Variants in FMN2 observed in about 807,000 individuals in gnomAD.
FMN2 encodes the protein formin-2.
A neutral mutation model predicts 142.3 loss-of-function variants in FMN2; 51 were observed. That is an observed-to-expected ratio of 0.36 (90% CI 0.29 to 0.45). The LOEUF (loss-of-function observed/expected upper bound fraction) is 0.45. Ranked by LOEUF, FMN2 falls within the 20% of genes least tolerant of loss-of-function variation. The pLI is 1.00. For synonymous variants in FMN2, 882 were observed against 869.8 expected, an observed-to-expected ratio of 1.01 and a Z score of -0.25; for missense variants, 1,936 against 2,122.8, an observed-to-expected ratio of 0.91 and a Z score of 1.73.
chr1:240,432,151 A>G (rs1675200494), intron 15 of FMN2, among the ~76,000 whole-genome samples: 1 of 151,904 alleles, frequency 6.6e-6, no homozygotes, highest in African/African-American at 2.4e-5. Context: ...ATAAAAAATA[A>G]TTTTCTATTT....
At chr1:240,383,703 G>T (rs1673304849) in intron 14 of FMN2, among the ~76,000 whole-genome samples, 1 of 151,934 alleles carries the variant, frequency 6.6e-6, no homozygotes, top group Non-Finnish European at 1.5e-5. Context: ...ACTAAAAGGA[G>T]AACTACCATT....
chr1:240,098,842 T>C (rs1661312076), intron 1 of FMN2, among the ~76,000 whole-genome samples: 1 of 152,158 alleles, frequency 6.6e-6, no homozygotes. Flanking sequence ...TTTTAAGAGC[T>C]TTAGGCGTTT....
intron 8 of FMN2, among the ~76,000 whole-genome samples, chr1:240,320,979 C>T (rs1670952801): frequency 6.6e-6 from 1 of 152,064 alleles, no homozygotes; most frequent in Non-Finnish European, 1.5e-5. Context: ...AAAGTCATTT[C>T]CTTTGATAGA....
chr1:240,365,713 C>A (rs1193925340), intron 14 of FMN2, among the ~76,000 whole-genome samples: 1 of 152,132 alleles, frequency 6.6e-6, no homozygotes, highest in East Asian at 1.9e-4. Context: ...ATATTCTTGT[C>A]AACTAATTCA....
chr1:240,275,337 G>C (rs990718298), intron 7 of FMN2, among the ~76,000 whole-genome samples: 1 of 152,008 alleles, frequency 6.6e-6, no homozygotes, highest in Non-Finnish European at 1.5e-5. Context: ...AGAACATGTG[G>C]TGCTTGGTTT....
chr1:240,402,459 C>T (rs569391074), intron 15 of FMN2, among the ~76,000 whole-genome samples: 2 of 152,318 alleles, frequency 1.3e-5, no homozygotes, highest in East Asian at 3.9e-4. Context: ...GGCGGCTGGG[C>T]AGATGAGTCT....
intron 8 of FMN2, among the ~76,000 whole-genome samples, chr1:240,309,778 T>C (rs1213426597): frequency 3.3e-5 from 5 of 152,002 alleles, no homozygotes; most frequent in Non-Finnish European, 7.4e-5. Context: ...GTCCGTTATC[T>C]CGGATTCAGT....
At chr1:240,362,675 G>C (rs983139653) in intron 14 of FMN2, among the ~76,000 whole-genome samples, 2 of 152,068 alleles carry the variant, frequency 1.3e-5, no homozygotes, top group Non-Finnish European at 2.9e-5. Context: ...TACAAGCCTG[G>C]TTCTCCTTTG....
At chr1:240,353,792 C>T (rs1475130434) in intron 13 of FMN2, among the ~76,000 whole-genome samples, 1 of 152,128 alleles carries the variant, frequency 6.6e-6, no homozygotes, top group African/African-American at 2.4e-5. Flanking sequence ...AAAAAGTACT[C>T]AGTACATGAC....
rs1676866362 is a variant in FMN2, at chr1:240,473,166, T to G, written c.5142+713T>G. Among the ~76,000 whole-genome samples, 1 of 152,154 alleles carries G rather than the reference T, an allele frequency of 6.6e-6. No individual in the cohort carries two copies. The highest frequency in any genetic ancestry group is 2.4e-5 in the African/African-American group (1 of 41,438). On this transcript the variant is annotated intron_variant, in intron 17 of 17. Coordinates refer to ENST00000319653, the MANE Select transcript of FMN2 (RefSeq NM_020066.5). This position sits in a 1 kb window ranked among gnomAD's most constrained non-coding sequence, Gnocchi z 4.3. ...TTGGTGGGAAGCGCCAAGAGCAGTG[T>G]GACGCTTTGCCCAGGGTGCCCAGAC...
chr1:240,354,013 G>A (rs891241917), intron 13 of FMN2, among the ~76,000 whole-genome samples: 1 of 152,132 alleles, frequency 6.6e-6, no homozygotes, highest in East Asian at 1.9e-4. Context: ...TTTAAAAGTT[G>A]GCAAGGTCTA....
At chr1:240,168,942 G>A (rs1026429167) in intron 2 of FMN2, among the ~76,000 whole-genome samples, 1 of 152,142 alleles carries the variant, frequency 6.6e-6, no homozygotes, top group African/African-American at 2.4e-5. Flanking sequence ...GCCAGGTGTG[G>A]TGGCTCATGC....
chr1:240,423,049 A>G (rs762875541), intron 15 of FMN2, among the ~76,000 whole-genome samples: 5 of 152,192 alleles, frequency 3.3e-5, no homozygotes, highest in Non-Finnish European at 5.9e-5. Flanking sequence ...GATAAAAGAA[A>G]TGCCAGTTTA....
intron 4 of FMN2, among the ~76,000 whole-genome samples, chr1:240,198,179 C>A (rs753997246): frequency 2.0e-5 from 3 of 152,118 alleles, no homozygotes; most frequent in Non-Finnish European, 4.4e-5. Flanking sequence ...AAAGTATGGT[C>A]CAGTACCTCC....
At chr1:240,396,438 G>A (rs1183603662) in intron 15 of FMN2, among the ~76,000 whole-genome samples, 1 of 149,866 alleles carries the variant, frequency 6.7e-6, no homozygotes, top group Non-Finnish European at 1.5e-5. Flanking sequence ...AGTTGATGTT[G>A]CAATCTTTTT....
chr1:240,258,121 G>C, intron 7 of FMN2, 89 bp downstream of exon 7: 1 of 1,006,342 alleles, frequency 9.9e-7, no homozygotes, highest in Non-Finnish European at 1.5e-6. Flanking sequence ...TTCAAACTTA[G>C]AGTTTCTGTG....
At chr1:240,105,165 G>T (rs1055478093) in intron 1 of FMN2, among the ~76,000 whole-genome samples, 26 of 132,430 alleles carry the variant, frequency 2.0e-4, no homozygotes, top group African/African-American at 7.4e-4. Flanking sequence ...CTGGAGTGCC[G>T]TGGCGTGATC....
intron 4 of FMN2, among the ~76,000 whole-genome samples, chr1:240,205,113 G>T (rs1044245065): frequency 1.3e-5 from 2 of 152,010 alleles, no homozygotes; most frequent in East Asian, 1.9e-4. Flanking sequence ...GGTAAGAAGC[G>T]TGTGCATGTG....
intron 15 of FMN2, among the ~76,000 whole-genome samples, chr1:240,392,989 A>AG (rs1216466358): frequency 2.8e-4 from 29 of 102,052 alleles, no homozygotes; most frequent in African/African-American, 1.6e-3. Context: ...GGGTAAACAT[A>AG]GAAAATATCT....
Sources: gnomAD v4.1 joint callset for allele counts (sites outside exome capture counted in the v4.1 genomes callset) on GRCh38, gnomAD v4.1.1 for gene constraint, Gnocchi (gnomAD v3.1) non-coding constraint, MANE v1.5 for transcripts, NCBI Gene and HGNC (gene_info 2026-07-23, HGNC 2026-07-21) for gene names.